Variants in ST6GALNAC3 observed in about 807,000 individuals in gnomAD.
ST6GALNAC3 encodes the protein ST6 N-acetylgalactosaminide alpha-2,6-sialyltransferase 3, also known as alpha-N-acetylgalactosaminide alpha-2,6-sialyltransferase 3.
In ST6GALNAC3, 25 loss-of-function variants were observed where a neutral mutation model predicts 32.7. The ratio of observed to expected loss-of-function variants is 0.76; its 90% confidence interval spans 0.56 to 1.07. The LOEUF (loss-of-function observed/expected upper bound fraction) is 1.07, where lower values mean the gene tolerates loss of function less well. ST6GALNAC3 is among the 50% of genes least tolerant of loss of function. The pLI is 0.00. For missense variants in ST6GALNAC3, 355 were observed against 382.4 expected, an observed-to-expected ratio of 0.93 and a Z score of 0.60; for synonymous variants, 129 against 133.1, an observed-to-expected ratio of 0.97 and a Z score of 0.21.
intron 3 of ST6GALNAC3, among the ~76,000 whole-genome samples, chr1:76,441,559 C>T (rs551282868): frequency 4.7e-4 from 71 of 152,094 alleles, no homozygotes; most frequent in African/African-American, 1.6e-3. Flanking sequence ...TGCAATGTAA[C>T]GTAATTACAG....
chr1:76,591,761 A>T (rs1448616616), intron 3 of ST6GALNAC3, among the ~76,000 whole-genome samples: 1 of 152,184 alleles, frequency 6.6e-6, no homozygotes, highest in Non-Finnish European at 1.5e-5. Context: ...GAGGGCCATG[A>T]AGACTACACA....
chr1:76,527,581 T>C lies in ST6GALNAC3; in HGVS notation c.624-99871T>C, dbSNP rs150209557. Among the ~76,000 whole-genome samples, 21 of 152,228 alleles carry C rather than the reference T, an allele frequency of 1.4e-4. No homozygotes were observed. The East Asian group carries it at 4.1e-3, about 29-fold the overall frequency. ...ATAACACCTCCCCCAAGTCCTAACATCCTTGCTGTGTCCCATGCTAATAGG... is the reference window on the plus strand; with the variant it reads ...ATAACACCTCCCCCAAGTCCTAACACCCTTGCTGTGTCCCATGCTAATAGG... On this transcript the variant is annotated intron_variant, in intron 3 of 4. Coordinates refer to ENST00000328299, the MANE Select transcript of ST6GALNAC3 (RefSeq NM_152996.4).
chr1:76,614,425 T>C (rs1375950369), intron 3 of ST6GALNAC3, among the ~76,000 whole-genome samples: 2 of 152,122 alleles, frequency 1.3e-5, no homozygotes, highest in Non-Finnish European at 2.9e-5. Context: ...TCTTTAAAAA[T>C]TTAATAAATA....
chr1:76,276,634 T>C (rs1305171258), intron 1 of ST6GALNAC3, among the ~76,000 whole-genome samples: 1 of 152,170 alleles, frequency 6.6e-6, no homozygotes. Flanking sequence ...TCTTCTCTTA[T>C]ACATTGTTGT....
In ST6GALNAC3 at chr1:76,633,026, G is replaced by A. The variant is rs1377517751; in HGVS notation, c.*4220G>A. The stretch of plus-strand genomic sequence containing the variant: ...TAGATTAGTGACTGAAGGAGCCAGT[G>A]CTAGCCTTTTTAAGTAGGTCAGGCT... On this transcript the variant is annotated 3_prime_UTR_variant, in exon 5 of 5. Transcript: ENST00000328299. 1 of 152,162 alleles carries A rather than the reference G, an allele frequency of 6.6e-6. No homozygotes were observed. The allele number at this position is 152,162 out of a possible 1,614,324, so 9.4% of individuals were successfully genotyped here. A position where few individuals can be genotyped will look rare whatever the true frequency, so the allele number is the denominator to read the frequency against.
chr1:76,437,127 A>G (rs978601493), intron 3 of ST6GALNAC3, among the ~76,000 whole-genome samples: 4 of 152,126 alleles, frequency 2.6e-5, no homozygotes, highest in Non-Finnish European at 5.9e-5. Context: ...TGAATGTACA[A>G]TATTACAAAA....
intron 1 of ST6GALNAC3, among the ~76,000 whole-genome samples, chr1:76,207,439 C>G (rs189025154): frequency 9.2e-5 from 14 of 152,326 alleles, no homozygotes; most frequent in African/African-American, 3.1e-4. Context: ...GTGGCTATAA[C>G]AACACAGATT....
At chr1:76,468,360 T>C (rs1276610495) in intron 3 of ST6GALNAC3, among the ~76,000 whole-genome samples, 1 of 152,070 alleles carries the variant, frequency 6.6e-6, no homozygotes, top group Non-Finnish European at 1.5e-5. Flanking sequence ...GAGTCTGTTG[T>C]TAGCTTTCTG....
Position 76,303,831 on chromosome 1 carries a change from C to T in ST6GALNAC3, c.19-9974C>T, listed in dbSNP as rs1660873570. ...TCAGATTTACAAGTTCTATCAGGAA[C>T]TTCAAAGCAATTTCCTAGTAAATTT... On this transcript the variant is annotated intron_variant, in intron 1 of 4. Coordinates refer to ENST00000328299, the MANE Select transcript of ST6GALNAC3 (RefSeq NM_152996.4). 2.0e-5 allele frequency among the ~76,000 whole-genome samples: 3 copies of T among 152,028 alleles called. No homozygotes were observed. The South Asian group carries it at 6.2e-4, about 32-fold the overall frequency.
intron 2 of ST6GALNAC3, among the ~76,000 whole-genome samples, chr1:76,375,834 C>T (rs1234396406): frequency 6.6e-6 from 1 of 152,178 alleles, no homozygotes; most frequent in Non-Finnish European, 1.5e-5. Flanking sequence ...CAAGGAAGCT[C>T]TGTCACTACT....
intron 1 of ST6GALNAC3, among the ~76,000 whole-genome samples, chr1:76,303,422 G>C (rs1036829458): frequency 2.0e-5 from 3 of 151,996 alleles, no homozygotes; most frequent in Non-Finnish European, 4.4e-5. Context: ...GGAAGTCAGC[G>C]TGAAACGGCC....
chr1:76,211,865 A>G (rs923414304), intron 1 of ST6GALNAC3, among the ~76,000 whole-genome samples: 14 of 152,118 alleles, frequency 9.2e-5, no homozygotes, highest in African/African-American at 3.1e-4. Context: ...CAGCACACCA[A>G]CATGGCACAT....
chr1:76,332,814 T>C (rs1647215868), intron 2 of ST6GALNAC3, among the ~76,000 whole-genome samples: 1 of 152,192 alleles, frequency 6.6e-6, no homozygotes, highest in African/African-American at 2.4e-5. Flanking sequence ...TTATATTTAA[T>C]ACATTTCTGA....
At chr1:76,379,753 G>T (rs977018940) in intron 2 of ST6GALNAC3, among the ~76,000 whole-genome samples, 1 of 152,138 alleles carries the variant, frequency 6.6e-6, no homozygotes, top group African/African-American at 2.4e-5. Context: ...GCCCATCTGC[G>T]AAAATCAATC....
At chr1:76,277,528 GTATATATATATATATATATATATATATA>G (rs370795804) in intron 1 of ST6GALNAC3, among the ~76,000 whole-genome samples, 2 of 84,580 alleles carry the variant, frequency 2.4e-5, no homozygotes, top group South Asian at 4.3e-4. Flanking sequence ...ATGTTTATGT[GTATATATATATATATATATATATATATA>G]TATATATATA....
chr1:76,620,259 A>G (rs918184021), intron 3 of ST6GALNAC3, among the ~76,000 whole-genome samples: 1 of 152,054 alleles, frequency 6.6e-6, no homozygotes, highest in African/African-American at 2.4e-5. Context: ...AGTAAGGAGT[A>G]AGAAGACAGA....
intron 3 of ST6GALNAC3, among the ~76,000 whole-genome samples, chr1:76,416,111 T>C (rs1380368348): frequency 6.7e-6 from 1 of 150,146 alleles, no homozygotes. Context: ...CAACAAGCAA[T>C]ATAATTATGG....
rs564872194 is a variant in ST6GALNAC3 at position 76,390,304 on chromosome 1, C to A, written c.214-21704C>A. Among the ~76,000 whole-genome samples the A allele has an allele frequency of 5.3e-5, 8 of 152,192 alleles. No individual in the cohort carries two copies. The South Asian group carries it at 8.3e-4, about 16-fold the overall frequency. On this transcript the variant is annotated intron_variant, in intron 2 of 4. Coordinates refer to ENST00000328299, the MANE Select transcript of ST6GALNAC3 (RefSeq NM_152996.4). ...TACAGCTGTTATCATCTTTAACCTC[C>A]AAGTTTTCTTAATTTTCAAAAGGAA...
At position 76,111,693 on chromosome 1, in the gene ST6GALNAC3, A is replaced by G. The variant is rs571189553; in HGVS notation, c.18+36809A>G. Among the ~76,000 whole-genome samples, 989 of 149,892 alleles carry G rather than the reference A, an allele frequency of 6.6e-3. 7 individuals carry two copies. The highest frequency in any genetic ancestry group is 0.01 in the Non-Finnish European group (698 of 67,552). On this transcript the variant is annotated intron_variant, in intron 1 of 4. Transcript: ENST00000328299. ...TGTTTAACAAAGCACATCTTGCACC[A>G]CCCTTAATCCATTCAACCCTGAGTG...
Sources: gnomAD v4.1 joint callset for allele counts (sites outside exome capture counted in the v4.1 genomes callset) on GRCh38, gnomAD v4.1.1 for gene constraint, MANE v1.5 for transcripts, NCBI Gene and HGNC (gene_info 2026-07-23, HGNC 2026-07-21) for gene names.